The following TPRG1 variants were observed in gnomAD, a reference collection of about 807,000 sequenced individuals.
TPRG1 encodes tumor protein p63 regulated 1, also known as tumor protein p63-regulated gene 1 protein.
A neutral mutation model predicts 29.3 loss-of-function variants in TPRG1; 29 were observed. The observed-to-expected ratio is 0.99, with a 90% CI of 0.74 to 1.35. The LOEUF is 1.35. Ranked by LOEUF, TPRG1 falls within the 40% of genes most tolerant of loss-of-function variation. TPRG1 has a pLI of 0.00. For synonymous variants in TPRG1, 130 were observed against 116.8 expected, an observed-to-expected ratio of 1.11 and a Z score of -0.73; for missense variants, 327 against 335.0, an observed-to-expected ratio of 0.98 and a Z score of 0.19.
chr3:189,293,513 AC>A (rs994895367), intron 4 of TPRG1, among the ~76,000 whole-genome samples: 24 of 152,176 alleles, frequency 1.6e-4, no homozygotes, highest in African/African-American at 5.8e-4. Context: ...TTCCTACCCC[AC>A]AGATTCCTGC....
At chr3:189,010,685 G>T (rs1712553099) in intron 3 of TPRG1, among the ~76,000 whole-genome samples, 1 of 152,086 alleles carries the variant, frequency 6.6e-6, no homozygotes, top group Non-Finnish European at 1.5e-5. Context: ...ACAGACCTTT[G>T]TCAGATGGAT....
chr3:189,011,622 A>G (rs1712606739), intron 3 of TPRG1, among the ~76,000 whole-genome samples: 1 of 152,166 alleles, frequency 6.6e-6, no homozygotes, highest in South Asian at 2.1e-4. Flanking sequence ...CCCATTCACT[A>G]TCATGAGAAG....
In TPRG1 at chr3:189,080,733, G is replaced by A. The variant is rs78134304; in HGVS notation, c.-462-46324G>A. On this transcript the variant is annotated intron_variant, in intron 4 of 10. Transcript: ENST00000433971. ...AAGATAAAAAACAAGGAGGTATGAG[G>A]TATATTGATGCAGTGTGGGGAGGCC... 9.5e-3 allele frequency among the ~76,000 whole-genome samples: 1,441 copies of A among 151,804 alleles called. 11 individuals are homozygous for A. Among genetic ancestry groups the A allele is most frequent in the Non-Finnish European group, 0.016 (1,109 of 67,934 alleles).
rs73201319 is a variant in TPRG1, at chr3:189,057,975, A to G, written c.-463+34029A>G. On this transcript the variant is annotated intron_variant, in intron 4 of 10. Transcript: ENST00000433971. ...GTATATATATGTTGTATGTACATAT[A>G]TTGTAGGTTGTGTATATATTATGCT... Among the ~76,000 whole-genome samples the G allele has an allele frequency of 5.9e-3, 896 of 151,560 alleles. 5 individuals are homozygous for G. Among genetic ancestry groups the G allele is most frequent in the Non-Finnish European group, 9.4e-3 (636 of 67,878 alleles).
At chr3:189,156,067 C>A (rs1726626872) in intron 5 of TPRG1, among the ~76,000 whole-genome samples, 1 of 152,034 alleles carries the variant, frequency 6.6e-6, no homozygotes, top group Non-Finnish European at 1.5e-5. Context: ...CAATGCATAA[C>A]TATATGAAAA....
At chr3:189,219,008 G>T (rs979181949) in intron 3 of TPRG1, among the ~76,000 whole-genome samples, 1 of 152,182 alleles carries the variant, frequency 6.6e-6, no homozygotes, top group Non-Finnish European at 1.5e-5. Flanking sequence ...GGTTGAGAAA[G>T]TGCAATCAAT....
intron 2 of TPRG1, among the ~76,000 whole-genome samples, chr3:189,212,515 G>A (rs960958204): frequency 6.6e-6 from 1 of 152,028 alleles, no homozygotes; most frequent in African/African-American, 2.4e-5. Flanking sequence ...TGGGCAAAAG[G>A]TTTCTTGACT....
At position 189,290,686 on chromosome 3, in the gene TPRG1, C is replaced by T. The variant is rs7619685; in HGVS notation, c.480-19700C>T. On this transcript the variant is annotated intron_variant, in intron 4 of 5. Coordinates refer to ENST00000345063, the MANE Select transcript of TPRG1 (RefSeq NM_198485.4). ...GGCCAGGTTTTACTGTGGACTATTG[C>T]AGGTGTAGAAGAAGACGTTTAGGAG... 6.1e-3 allele frequency among the ~76,000 whole-genome samples: 923 copies of T among 152,264 alleles called. 16 individuals carry two copies. The highest frequency in any genetic ancestry group is 0.022 in the African/African-American group (897 of 41,542).
At chr3:189,143,810 G>C (rs149639254) in intron 3 of TPRG1, among the ~76,000 whole-genome samples, 71 of 152,254 alleles carry the variant, frequency 4.7e-4, no homozygotes, top group African/African-American at 1.7e-3. Context: ...CAAATCTACT[G>C]GAAAATGGGA....
At chr3:189,125,870 TG>T (rs1722417793) in intron 1 of TPRG1, among the ~76,000 whole-genome samples, 1 of 122,154 alleles carries the variant, frequency 8.2e-6, no homozygotes, top group Non-Finnish European at 1.7e-5. Flanking sequence ...TGTGTGTGTG[TG>T]TTTGGTATAT....
intron 3 of TPRG1, among the ~76,000 whole-genome samples, chr3:189,136,408 A>G (rs575331320): frequency 1.3e-5 from 2 of 152,326 alleles, no homozygotes; most frequent in Non-Finnish European, 2.9e-5. Context: ...GAGAGGAGCT[A>G]TTAGGGAACA....
chr3:189,248,555 G>A lies in TPRG1; in HGVS notation c.479+9646G>A, dbSNP rs1054063313. Among the ~76,000 whole-genome samples, 3 of 150,220 alleles carry A rather than the reference G, an allele frequency of 2.0e-5. No homozygotes were observed. The East Asian group carries it at 5.9e-4, about 30-fold the overall frequency. On this transcript the variant is annotated intron_variant, in intron 4 of 5. Coordinates refer to ENST00000345063, the MANE Select transcript of TPRG1 (RefSeq NM_198485.4). The stretch of plus-strand genomic sequence containing the variant: ...TCACTTGAAATTTTAATTCATTTAT[G>A]GTTATTTTTGTTAGATATATTAAGC...
At chr3:189,126,166 C>G (rs752932360) in intron 1 of TPRG1, among the ~76,000 whole-genome samples, 1 of 152,006 alleles carries the variant, frequency 6.6e-6, no homozygotes, top group African/African-American at 2.4e-5. Flanking sequence ...GAGAAAAGTC[C>G]ATTTTGGGCA....
At chr3:189,152,943 T>A (rs987289800) in intron 5 of TPRG1, among the ~76,000 whole-genome samples, 1 of 152,066 alleles carries the variant, frequency 6.6e-6, no homozygotes, top group East Asian at 1.9e-4. Context: ...CCATTATTAT[T>A]AAAAAGTAGG....
At chr3:189,037,710 A>G (rs1049644355) in intron 4 of TPRG1, among the ~76,000 whole-genome samples, 3 of 152,012 alleles carry the variant, frequency 2.0e-5, no homozygotes, top group Middle Eastern at 3.4e-3. Flanking sequence ...GGAAACTAAC[A>G]GTCTTCTCCA....
chr3:189,127,636 C>T (rs180819331), intron 2 of TPRG1, among the ~76,000 whole-genome samples: 5 of 152,258 alleles, frequency 3.3e-5, no homozygotes, highest in Admixed American at 2.0e-4. Flanking sequence ...GCTATACTCC[C>T]AGGTAAAGGT....
chr3:189,139,785 G>A (rs553314666), intron 3 of TPRG1, among the ~76,000 whole-genome samples: 2 of 151,440 alleles, frequency 1.3e-5, no homozygotes, highest in South Asian at 4.2e-4. Flanking sequence ...AATGTAATTT[G>A]CAATCAAGCT....
chr3:189,138,313 T>A (rs905770002), intron 3 of TPRG1, among the ~76,000 whole-genome samples: 1 of 152,224 alleles, frequency 6.6e-6, no homozygotes, highest in Non-Finnish European at 1.5e-5. Flanking sequence ...GTTGTTTTTC[T>A]GGTAACAACA....
intron 4 of TPRG1, among the ~76,000 whole-genome samples, chr3:189,254,430 A>T (rs553765462): frequency 5.7e-4 from 87 of 152,266 alleles, no homozygotes; most frequent in African/African-American, 1.9e-3. Flanking sequence ...GTAGCCTTGT[A>T]GTATAGTTTG....
Sources: gnomAD v4.1 joint callset for allele counts (sites outside exome capture counted in the v4.1 genomes callset) on GRCh38, gnomAD v4.1.1 for gene constraint, MANE v1.5 for transcripts, NCBI Gene and HGNC (gene_info 2026-07-23, HGNC 2026-07-21) for gene names.